Variants in IFT140 observed in about 807,000 individuals in gnomAD.
IFT140 encodes the protein intraflagellar transport 140, also known as intraflagellar transport protein 140 homolog.
IFT140 carries 133 observed loss-of-function variants against 164.6 expected under a neutral mutation model. The observed-to-expected ratio is 0.81, with a 90% CI of 0.70 to 0.93. The LOEUF is 0.93. Among genes scored for constraint, IFT140 ranks in the 40% least tolerant of loss-of-function variants. The pLI, the probability that IFT140 is intolerant of heterozygous loss-of-function variation, is 0.00. For synonymous variants in IFT140, 860 were observed against 817.3 expected (o/e 1.05, Z -0.89); for missense variants, 2,045 against 1,972.3 (o/e 1.04, Z -0.70).
At chr16:1,580,189 T>G (rs1471240656) in intron 13 of IFT140, 1 of 152,308 alleles carries the variant, frequency 6.6e-6, no homozygotes, top group Non-Finnish European at 1.5e-5. Context: ...TTGCCTTGTC[T>G]CCCGATTTCT....
chr16:1,542,014 C>T, intron 19 of IFT140: 2 of 1,611,448 alleles, frequency 1.2e-6, no homozygotes, highest in Non-Finnish European at 1.7e-6. Flanking sequence ...GTGGGCCTGC[C>T]CCTGCTGTCA....
At chr16:1,517,658 C>T (rs1295906982) in intron 30 of IFT140, among the ~76,000 whole-genome samples, 2 of 152,078 alleles carry the variant, frequency 1.3e-5, no homozygotes, top group Non-Finnish European at 2.9e-5. Flanking sequence ...AAAAAATAAG[C>T]GACTAAAAAA....
intron 26 of IFT140, among the ~76,000 whole-genome samples, chr16:1,523,224 A>G (rs2040574344): frequency 6.6e-6 from 1 of 151,986 alleles, no homozygotes. Context: ...GTCTCAAAAA[A>G]AAAAAAAAAA....
intron 30 of IFT140, among the ~76,000 whole-genome samples, chr16:1,516,345 TGGGAAATGGA>T (rs952579936): frequency 6.6e-6 from 1 of 151,858 alleles, no homozygotes; most frequent in African/African-American, 2.4e-5. Context: ...GGGACACGGG[TGGGAAATGGA>T]CCTACCTGCT....
intron 14 of IFT140, among the ~76,000 whole-genome samples, chr16:1,570,533 C>T (rs774967103): frequency 1.8e-4 from 27 of 152,174 alleles, no homozygotes; most frequent in Non-Finnish European, 3.1e-4. Flanking sequence ...ACAGGATCAG[C>T]GTTGCTCATC....
chr16:1,585,588 AGGGAG>A (rs904621171), intron 10 of IFT140, among the ~76,000 whole-genome samples: 2 of 152,086 alleles, frequency 1.3e-5, no homozygotes, highest in Non-Finnish European at 2.9e-5. Flanking sequence ...AGAGATGGAG[AGGGAG>A]GGATGGGTTC....
At chr16:1,576,567 G>C (rs2034287392) in intron 13 of IFT140, 1 of 151,010 alleles carries the variant, frequency 6.6e-6, no homozygotes, top group South Asian at 2.1e-4. Flanking sequence ...ACTCCAGCCT[G>C]GGTGACAGAG....
At chr16:1,608,479 A>G (rs565092398) in intron 2 of IFT140, among the ~76,000 whole-genome samples, 6 of 152,226 alleles carry the variant, frequency 3.9e-5, no homozygotes, top group African/African-American at 1.4e-4. Flanking sequence ...TAAAAATACA[A>G]AAGGTTATCC....
In IFT140 at chr16:1,510,878, A is replaced by T; in HGVS notation, c.*66T>A. 6.9e-7 allele frequency: 1 copy of T among 1,442,518 alleles called. No homozygotes were observed. The highest frequency in any genetic ancestry group is 9.6e-7 in the Non-Finnish European group (1 of 1,043,626). 89.4% of individuals were successfully genotyped at this position (1,442,518 alleles called of 1,614,324 possible). A position where few individuals can be genotyped will look rare whatever the true frequency, so the allele number is the denominator to read the frequency against. On this transcript the variant is annotated 3_prime_UTR_variant, in exon 31 of 31. Transcript: ENST00000426508. ...CCAGCAAAAATGCTGGCTTTGCCAC[A>T]GCTGACAAAAAAATTCCAGAAGATG...
In IFT140 at chr16:1,592,280, T is replaced by A. The variant is rs2141912878; in HGVS notation, c.530A>T (p.Asp177Val). ...VQLAKAAVSG[D>V]EKALDMFNWK... ...GTTAAACATGTCCAGGGCTTTCTCA[T>A]CACCGCTCACAGCTGCCTTTGCCAA... The change falls in exon 6 of 31, where the codon GAT becomes GTT. Residue 177 changes from aspartate (D) to valine (V), a missense_variant. By Grantham distance (152) the Asp-to-Val change is radical. Coordinates refer to ENST00000426508, the MANE Select transcript of IFT140 (RefSeq NM_014714.4). 6.2e-7 allele frequency: 1 copy of A among 1,614,172 alleles called. No individual in the cohort carries two copies. The highest frequency in any genetic ancestry group is 8.5e-7 in the Non-Finnish European group (1 of 1,180,044).
chr16:1,570,456 C>T (rs1006324943), intron 14 of IFT140, among the ~76,000 whole-genome samples: 5 of 152,182 alleles, frequency 3.3e-5, no homozygotes, highest in South Asian at 2.1e-4. Context: ...ACTCCCACCA[C>T]GCGATGCCAG....
At chr16:1,586,446 T>C (rs1414693830) in intron 9 of IFT140, among the ~76,000 whole-genome samples, 171 bp from the exon 10 acceptor site, 5 of 151,760 alleles carry the variant, frequency 3.3e-5, no homozygotes, top group Non-Finnish European at 5.9e-5. Flanking sequence ...TGCCCTGACC[T>C]CACAGTGCCA....
In IFT140 at chr16:1,602,042, C is replaced by T. The variant is rs558297230; in HGVS notation, c.369+328G>A. On this transcript the variant is annotated intron_variant, in intron 4 of 30. Coordinates refer to ENST00000426508, the MANE Select transcript of IFT140 (RefSeq NM_014714.4). Reference sequence around the variant, plus strand: ...CAGAAAATGTGACTGGACACTGCCCCATGTCCCCTGGGGGGCAGAACCAAC... The same window carrying T: ...CAGAAAATGTGACTGGACACTGCCCTATGTCCCCTGGGGGGCAGAACCAAC... 2.0e-5 allele frequency among the ~76,000 whole-genome samples: 3 copies of T among 152,358 alleles called. No homozygotes were observed. The South Asian group carries it at 6.2e-4, about 32-fold the overall frequency.
At chr16:1,573,385 T>C (rs548070989) in intron 13 of IFT140, among the ~76,000 whole-genome samples, 41 of 152,088 alleles carry the variant, frequency 2.7e-4, no homozygotes, top group African/African-American at 9.4e-4. Flanking sequence ...TCAACTCTTT[T>C]ACATTCTTTA....
In IFT140 at chr16:1,523,597, A is replaced by G; in HGVS notation, c.3374T>C (p.Leu1125Pro). 6.2e-7 allele frequency: 1 copy of G among 1,613,858 alleles called. No homozygotes were observed. Among genetic ancestry groups the G allele is most frequent in the Middle Eastern group, 1.6e-4 (1 of 6,062 alleles). ...EDLDETSDPA[L>P]LARCSDFFIE... Reference sequence around the variant, plus strand: ...GAAGAAGTCGGAGCAGCGGGCCAGGAGCGCAGGGTCTGACGTCTCATCCAG... The same window carrying G: ...GAAGAAGTCGGAGCAGCGGGCCAGGGGCGCAGGGTCTGACGTCTCATCCAG... Residue 1125 changes from leucine to proline, a missense_variant, in exon 26 of 31, where the codon CTC (leucine) becomes CCC (proline). Leu to Pro is a moderately conservative substitution (Grantham distance 98). Coordinates refer to ENST00000426508, the MANE Select transcript of IFT140 (RefSeq NM_014714.4).
intron 11 of IFT140, among the ~76,000 whole-genome samples, chr16:1,583,712 T>C (rs987782190): frequency 6.6e-6 from 1 of 152,010 alleles, no homozygotes; most frequent in Non-Finnish European, 1.5e-5. Context: ...TTTTAATTTA[T>C]AAGGGTACAT....
At chr16:1,571,680 C>G in intron 13 of IFT140, 146 bp from the exon 14 acceptor site, 1 of 878,552 alleles carries the variant, frequency 1.1e-6, no homozygotes. Context: ...TCCACTCATT[C>G]ACTCGCTCAG....
At chr16:1,587,097 T>C (rs766916947) in intron 9 of IFT140, 101 bp downstream of exon 9, 7 of 774,866 alleles carry the variant, frequency 9.0e-6, no homozygotes, top group East Asian at 7.4e-5. Flanking sequence ...CAAGTTACCA[T>C]TGTGTGAGTA....
intron 19 of IFT140, chr16:1,542,169 G>A: frequency 1.5e-6 from 2 of 1,344,224 alleles, no homozygotes; most frequent in Non-Finnish European, 2.0e-6. Flanking sequence ...TGGCCTGGGG[G>A]GAAGCTGCAG....
Sources: gnomAD v4.1 joint callset for allele counts (sites outside exome capture counted in the v4.1 genomes callset) on GRCh38, gnomAD v4.1.1 for gene constraint, MANE v1.5 for transcripts, NCBI Gene and HGNC (gene_info 2026-07-23, HGNC 2026-07-21) for gene names.